MAP3K13: variants seen among roughly 807,000 people sequenced by gnomAD.
MAP3K13 encodes the protein leucine zipper-bearing kinase.
MAP3K13 carries 52 observed loss-of-function variants against 104.0 expected under a neutral mutation model. The ratio of observed to expected loss-of-function variants is 0.50; its 90% confidence interval spans 0.40 to 0.63. The LOEUF is 0.63. Among genes scored for constraint, MAP3K13 ranks in the 20% least tolerant of loss-of-function variants. The pLI is 0.00. For missense variants in MAP3K13, 914 were observed against 1,218.5 expected (o/e 0.75, Z 3.72); for synonymous variants, 394 against 442.2 (o/e 0.89, Z 1.37).
rs762292408 is a variant in MAP3K13 at position 185,363,219 on chromosome 3, C to A, written c.-235C>A. The A allele has an allele frequency of 1.0e-6, 1 of 985,312 alleles. No individual in the cohort carries two copies. The highest frequency in any genetic ancestry group is 1.2e-6 in the Non-Finnish European group (1 of 829,918). 61.0% of individuals were successfully genotyped at this position (985,312 alleles called of 1,614,324 possible). On this transcript the variant is annotated 5_prime_UTR_variant, in exon 1 of 14. Coordinates refer to ENST00000265026, the MANE Select transcript of MAP3K13 (RefSeq NM_004721.5). Reference sequence around the variant, plus strand: ...TTCATGAATCTGTGACGTCAGCAAGCCTTTGGGCTCCTTTGCGGTGGGCTG... The same window carrying A: ...TTCATGAATCTGTGACGTCAGCAAGACTTTGGGCTCCTTTGCGGTGGGCTG...
At chr3:185,389,582 G>GA (rs1427101533) in intron 1 of MAP3K13, among the ~76,000 whole-genome samples, 2 of 150,254 alleles carry the variant, frequency 1.3e-5, no homozygotes, top group African/African-American at 4.9e-5. Context: ...AAAAGAAAAA[G>GA]AAAAAAAATA....
chr3:185,305,853 A>T lies in MAP3K13; in HGVS notation c.-86+20210A>T, dbSNP rs540151529. Among the ~76,000 whole-genome samples the T allele has an allele frequency of 4.6e-5, 7 of 152,194 alleles. 1 individual carries two copies. The highest frequency in any genetic ancestry group is 1.7e-4 in the African/African-American group (7 of 41,510). On this transcript the variant is annotated intron_variant, in intron 2 of 14. Transcript: ENST00000424227. ...ATATTGCATGATGCTATGGTTTGGG[A>T]TACAGTTGATCCTGTCACCCAGGTA...
intron 2 of MAP3K13, among the ~76,000 whole-genome samples, chr3:185,346,498 G>C (rs796309178): frequency 4.6e-5 from 7 of 152,178 alleles, no homozygotes; most frequent in African/African-American, 1.7e-4. Flanking sequence ...TATACAACCT[G>C]TAAAGGTTTT....
At chr3:185,394,443 T>C (rs1712258707) in intron 1 of MAP3K13, among the ~76,000 whole-genome samples, 1 of 152,244 alleles carries the variant, frequency 6.6e-6, no homozygotes, top group Non-Finnish European at 1.5e-5. Flanking sequence ...CTCAAGCATC[T>C]TTCTATGCCT....
chr3:185,378,071 G>C (rs1431148513), intron 1 of MAP3K13, among the ~76,000 whole-genome samples: 1 of 152,206 alleles, frequency 6.6e-6, no homozygotes, highest in Non-Finnish European at 1.5e-5. Flanking sequence ...TTGTGTGCTG[G>C]AGATGTGGCT....
chr3:185,418,436 C>T lies in MAP3K13; in HGVS notation c.-85-10061C>T. 6.2e-7 allele frequency: 1 copy of T among 1,610,032 alleles called. No individual in the cohort carries two copies. The highest frequency in any genetic ancestry group is 8.5e-7 in the Non-Finnish European group (1 of 1,178,030). On this transcript the variant is annotated intron_variant, in intron 1 of 13. Coordinates refer to ENST00000265026, the MANE Select transcript of MAP3K13 (RefSeq NM_004721.5). The surrounding 1 kb of genome is among the most constrained non-coding windows in gnomAD (Gnocchi z 4.5). The stretch of plus-strand genomic sequence containing the variant: ...GCATATCGTTTTTGGGTTGTGTTCA[C>T]TCTACGATGCCAACGGCGCCAGGTT...
At chr3:185,334,108 C>T (rs79289019) in intron 2 of MAP3K13, among the ~76,000 whole-genome samples, 12,853 of 152,012 alleles carry the variant, frequency 0.085, 726 homozygotes, top group East Asian at 0.2. Flanking sequence ...ATAAATCTTT[C>T]AAAAGAGCAC....
At chr3:185,345,819 C>A (rs977908252) in intron 2 of MAP3K13, among the ~76,000 whole-genome samples, 5 of 152,088 alleles carry the variant, frequency 3.3e-5, no homozygotes, top group African/African-American at 1.2e-4. Context: ...CTTGAATCAT[C>A]CTGAAACCAC....
chr3:185,437,000 CAAAAAAAAAAA>C (rs58819806), intron 2 of MAP3K13, among the ~76,000 whole-genome samples: 29 of 36,964 alleles, frequency 7.8e-4, no homozygotes, highest in East Asian at 5.1e-3. Context: ...GACTCTGTCT[CAAAAAAAAAAA>C]AAAAAAAAAA....
chr3:185,318,777 A>G (rs1452976972), intron 2 of MAP3K13, among the ~76,000 whole-genome samples: 1 of 152,238 alleles, frequency 6.6e-6, no homozygotes, highest in Non-Finnish European at 1.5e-5. Flanking sequence ...AGAGCTTTTA[A>G]AAAATGTTTA....
chr3:185,390,925 T>G lies in MAP3K13; in HGVS notation c.-86+27557T>G, dbSNP rs139085769. Among the ~76,000 whole-genome samples, 1,367 of 152,196 alleles carry G rather than the reference T, an allele frequency of 9.0e-3. 27 individuals carry two copies. The highest frequency in any genetic ancestry group is 0.031 in the African/African-American group (1,281 of 41,544). Reference sequence around the variant, plus strand: ...CGTGAGCCACTGCGCTGGGCCGATATTTTCCTTTCTTATACCTGCATCAAC... The same window carrying G: ...CGTGAGCCACTGCGCTGGGCCGATAGTTTCCTTTCTTATACCTGCATCAAC... On this transcript the variant is annotated intron_variant, in intron 1 of 13. Transcript: ENST00000265026.
chr3:185,456,331 G>T (rs1278487347), intron 7 of MAP3K13, among the ~76,000 whole-genome samples: 2 of 152,086 alleles, frequency 1.3e-5, no homozygotes, highest in African/African-American at 4.8e-5. Context: ...TAAAGTGTTT[G>T]CTTTCAGAGG....
chr3:185,368,231 G>GA (rs529911337), intron 1 of MAP3K13, among the ~76,000 whole-genome samples: 111 of 152,040 alleles, frequency 7.3e-4, no homozygotes, highest in African/African-American at 2.6e-3. Context: ...TACAGATGAG[G>GA]AAAAAAAGGC....
chr3:185,472,900 A>T, intron 10 of MAP3K13, 75 bp from the exon 11 acceptor site: 2 of 1,343,016 alleles, frequency 1.5e-6, no homozygotes, highest in Non-Finnish European at 2.1e-6. Context: ...TGTGTATTTT[A>T]AGTCTTAGGA....
Position 185,466,867 on chromosome 3 carries a change from A to G in MAP3K13, c.1547A>G (p.Lys516Arg). Residue 516 changes from lysine to arginine, a missense_variant, in exon 10 of 14, where the codon AAA becomes AGA. By Grantham distance (26) the Lys-to-Arg change is conservative. This residue lies in a region of MAP3K13 where 583 missense variants were observed against 737.4 expected (regional missense o/e 0.79). Coordinates refer to ENST00000265026, the MANE Select transcript of MAP3K13 (RefSeq NM_004721.5). ...GAAAAGAAGTATCCTGGGACCTACA[A>G]ACGACACCCTGTTCGTCCTATCATC... ...AVEKKYPGTY[K>R]RHPVRPIIHP... 1.2e-6 allele frequency: 2 copies of G among 1,613,970 alleles called. No individual in the cohort carries two copies. Among genetic ancestry groups the G allele is most frequent in the Non-Finnish European group, 1.7e-6 (2 of 1,179,856 alleles).
rs138229304 is a variant in MAP3K13 at position 185,393,800 on chromosome 3, G to A, written c.-86+30432G>A. Among the ~76,000 whole-genome samples the A allele has an allele frequency of 3.9e-3, 588 of 152,216 alleles. 4 individuals carry two copies. The highest frequency in any genetic ancestry group is 0.013 in the African/African-American group (543 of 41,544). ...AGGAAAGGCTCACAAAAAACTGGGA[G>A]TCATGCCCTGGGCAAGAGTACTCAA... On this transcript the variant is annotated intron_variant, in intron 1 of 13. Transcript: ENST00000265026.
intron 1 of MAP3K13, among the ~76,000 whole-genome samples, chr3:185,427,198 CA>C (rs58646071): frequency 0.22 from 28,385 of 127,032 alleles, 2,935 homozygotes; most frequent in East Asian, 0.47. Context: ...ACTAAAAATA[CA>C]AAAAAAAAAA....
intron 1 of MAP3K13, among the ~76,000 whole-genome samples, chr3:185,405,216 A>C (rs1035811965): frequency 5.3e-5 from 8 of 152,220 alleles, no homozygotes; most frequent in African/African-American, 1.7e-4. Flanking sequence ...CCATCAAACA[A>C]TGTTATTTTG....
upstream of MAP3K13, among the ~76,000 whole-genome samples, chr3:185,358,851 A>T (rs953016335): frequency 6.6e-6 from 1 of 152,222 alleles, no homozygotes. Flanking sequence ...AGAAAAATGT[A>T]GCTGCTTTTT....
Sources: allele counts gnomAD v4.1 joint callset (sites outside exome capture counted in the v4.1 genomes callset), GRCh38; gene constraint gnomAD v4.1.1; regional missense constraint gnomAD v4.1.1; non-coding constraint Gnocchi (gnomAD v3.1); transcripts MANE v1.5; gene names NCBI Gene and HGNC (gene_info 2026-07-23, HGNC 2026-07-21).